The following CRPPA variants were observed in gnomAD, a reference collection of about 807,000 sequenced individuals.
CRPPA encodes the protein CDP-L-ribitol pyrophosphorylase A.
In CRPPA, 43 loss-of-function variants were observed where a neutral mutation model predicts 52.0. The observed-to-expected ratio is 0.83, with a 90% CI of 0.65 to 1.07. The LOEUF (loss-of-function observed/expected upper bound fraction) is 1.07, where lower values mean the gene tolerates loss of function less well. CRPPA is among the 50% of genes least tolerant of loss of function. The pLI, the probability that CRPPA is intolerant of heterozygous loss-of-function variation, is 0.00. For synonymous variants in CRPPA, 250 were observed against 203.5 expected (o/e 1.23, Z -1.94); for missense variants, 629 against 551.7 (o/e 1.14, Z -1.40).
At chr7:16,302,408 A>AC in intron 4 of CRPPA, among the ~76,000 whole-genome samples, 1 of 152,064 alleles carries the variant, frequency 6.6e-6, no homozygotes, top group Non-Finnish European at 1.5e-5. Context: ...TACTTCACAG[A>AC]CCCCCATCCA....
At chr7:16,339,180 T>C (rs1785761528) in intron 3 of CRPPA, among the ~76,000 whole-genome samples, 1 of 152,090 alleles carries the variant, frequency 6.6e-6, no homozygotes, top group African/African-American at 2.4e-5. Context: ...GAGGGAATAC[T>C]TCCCAACTCA....
At chr7:16,213,902 C>T (rs968597924) in intron 9 of CRPPA, among the ~76,000 whole-genome samples, 2 of 152,060 alleles carry the variant, frequency 1.3e-5, no homozygotes, top group Admixed American at 1.3e-4. Flanking sequence ...GGTTTAAATT[C>T]GTTCAACAAA....
chr7:16,297,486 G>C (rs905887046), intron 5 of CRPPA, among the ~76,000 whole-genome samples: 1 of 152,166 alleles, frequency 6.6e-6, no homozygotes, highest in Non-Finnish European at 1.5e-5. Context: ...GGGAAAAACT[G>C]CAGCTGCATC....
intron 9 of CRPPA, among the ~76,000 whole-genome samples, chr7:16,131,461 C>T (rs1782679817): frequency 6.6e-6 from 1 of 152,022 alleles, no homozygotes; most frequent in South Asian, 2.1e-4. Context: ...AAGTGGCTGC[C>T]CCAGGTACAG....
At chr7:16,379,062 G>C (rs1786997065) in intron 2 of CRPPA, among the ~76,000 whole-genome samples, 1 of 152,138 alleles carries the variant, frequency 6.6e-6, no homozygotes, top group Non-Finnish European at 1.5e-5. Context: ...TAGGTTGCCT[G>C]TTCGCTCTGA....
At chr7:16,287,232 T>C (rs1358287229) in intron 5 of CRPPA, among the ~76,000 whole-genome samples, 2 of 152,230 alleles carry the variant, frequency 1.3e-5, no homozygotes, top group Non-Finnish European at 2.9e-5. Flanking sequence ...CTGAAATCTA[T>C]GTGAAGTTAG....
At chr7:16,106,367 A>G (rs1214699734) in intron 9 of CRPPA, among the ~76,000 whole-genome samples, 1 of 152,184 alleles carries the variant, frequency 6.6e-6, no homozygotes, top group African/African-American at 2.4e-5. Flanking sequence ...AGCCTTGCCC[A>G]GCTATAGATC....
At chr7:16,403,510 A>G (rs1787880016) in intron 2 of CRPPA, among the ~76,000 whole-genome samples, 1 of 152,188 alleles carries the variant, frequency 6.6e-6, no homozygotes, top group South Asian at 2.1e-4. Context: ...ATGTGTGTGA[A>G]GGGGACCTTT....
chr7:16,093,384 A>G (rs2128361545), intron 9 of CRPPA, among the ~76,000 whole-genome samples: 1 of 152,280 alleles, frequency 6.6e-6, no homozygotes, highest in Admixed American at 6.5e-5. Flanking sequence ...AGTACAAAAT[A>G]AATATATTAT....
chr7:16,107,104 G>T (rs1315274084), intron 9 of CRPPA, among the ~76,000 whole-genome samples: 2 of 151,930 alleles, frequency 1.3e-5, no homozygotes, highest in Non-Finnish European at 2.9e-5. Context: ...AAGAAAGAAG[G>T]CTATAGGAAT....
intron 3 of CRPPA, among the ~76,000 whole-genome samples, chr7:16,327,284 G>A (rs1301010893): frequency 6.6e-6 from 1 of 152,108 alleles, no homozygotes; most frequent in African/African-American, 2.4e-5. Context: ...CATGCATCCT[G>A]TGCAGACAGG....
intron 2 of CRPPA, among the ~76,000 whole-genome samples, chr7:16,404,540 C>T (rs1054348478): frequency 2.0e-5 from 3 of 149,830 alleles, no homozygotes; most frequent in Admixed American, 6.7e-5. Flanking sequence ...GCTTATTACT[C>T]AACAACAACA....
intron 3 of CRPPA, among the ~76,000 whole-genome samples, chr7:16,347,601 A>G (rs1173993710): frequency 6.6e-6 from 1 of 152,112 alleles, no homozygotes; most frequent in Non-Finnish European, 1.5e-5. Context: ...CCCTTCACCC[A>G]TAGACCCAGT....
intron 3 of CRPPA, among the ~76,000 whole-genome samples, chr7:16,318,606 A>G (rs1785195722): frequency 6.6e-6 from 1 of 152,198 alleles, no homozygotes; most frequent in African/African-American, 2.4e-5. Context: ...TCCAAGCTAC[A>G]GGGCTGTGAG....
intron 2 of CRPPA, among the ~76,000 whole-genome samples, chr7:16,380,720 AG>A (rs781158250): frequency 7.2e-5 from 11 of 152,094 alleles, no homozygotes; most frequent in Non-Finnish European, 1.5e-4. Context: ...TAGACTTGGG[AG>A]GGTGTATGTG....
intron 9 of CRPPA, among the ~76,000 whole-genome samples, chr7:16,097,942 CCTTA>C (rs1781967866): frequency 1.3e-5 from 2 of 152,168 alleles, no homozygotes; most frequent in South Asian, 4.1e-4. Flanking sequence ...CCTCAAAAAT[CCTTA>C]CTTACTAACT....
At chr7:16,306,321 G>A (rs1018874668) in intron 4 of CRPPA, among the ~76,000 whole-genome samples, 2 of 152,200 alleles carry the variant, frequency 1.3e-5, no homozygotes, top group Non-Finnish European at 2.9e-5. Flanking sequence ...ACCAAGAGAA[G>A]CACTGTGTGG....
At chr7:16,385,779 C>T (rs1364661339) in intron 2 of CRPPA, among the ~76,000 whole-genome samples, 3 of 149,120 alleles carry the variant, frequency 2.0e-5, no homozygotes, top group Admixed American at 2.0e-4. Flanking sequence ...AGTTCCCTGA[C>T]CCCCCCTCAC....
At chr7:16,304,107 A>C (rs10229610) in intron 4 of CRPPA, among the ~76,000 whole-genome samples, 73 of 152,252 alleles carry the variant, frequency 4.8e-4, no homozygotes, top group African/African-American at 1.7e-3. Flanking sequence ...ATATGGTACA[A>C]CTCTAAATTA....
Sources: allele counts gnomAD v4.1 joint callset (sites outside exome capture counted in the v4.1 genomes callset), GRCh38; gene constraint gnomAD v4.1.1; transcripts MANE v1.5; gene names NCBI Gene and HGNC (gene_info 2026-07-23, HGNC 2026-07-21).